The following WTIP variants were observed in gnomAD, a reference collection of about 807,000 sequenced individuals.
WTIP encodes Wilms tumor protein 1-interacting protein.
A neutral mutation model predicts 41.7 loss-of-function variants in WTIP; 23 were observed. The ratio of observed to expected loss-of-function variants is 0.55; its 90% CI spans 0.40 to 0.78. WTIP has a LOEUF of 0.78. Among genes scored for constraint, WTIP ranks in the 30% least tolerant of loss-of-function variants. The pLI is 0.00. For synonymous variants in WTIP, 314 were observed against 269.9 expected, an observed-to-expected ratio of 1.16 and a Z score of -1.60; for missense variants, 619 against 610.5, an observed-to-expected ratio of 1.01 and a Z score of -0.15.
rs1330493676 is a variant in WTIP, at chr19:34,508,079, T to C, written c.*7810T>C. 6.6e-6 allele frequency: 1 copy of C among 152,148 alleles called. No homozygotes were observed. Among genetic ancestry groups the C allele is most frequent in the African/African-American group, 2.4e-5 (1 of 41,414 alleles). The allele number at this position is 152,148 out of a possible 1,614,324, so 9.4% of individuals were successfully genotyped here. ...TCTCTGTTAGTGTGAGGTGGGACTT[T>C]TTTTTTTGTTTTGAGATGGAGTCTT... On this transcript the variant is annotated 3_prime_UTR_variant, in exon 8 of 8. Transcript: ENST00000590071.
At position 34,493,577 on chromosome 19, in the gene WTIP, C is replaced by T. The variant is rs774672496; in HGVS notation, c.986C>T (p.Thr329Ile). The T allele has an allele frequency of 6.2e-6, 10 of 1,613,676 alleles. No individual in the cohort carries two copies. The highest frequency in any genetic ancestry group is 8.5e-6 in the Non-Finnish European group (10 of 1,179,896). The stretch of plus-strand genomic sequence containing the variant: ...GAGTGCCTGGACGGGGTTCCCTTCA[C>T]CGTGGACGTGGAGAACAACATCTAC... ...CNECLDGVPFTVDVENNIYCV... is the reference protein window; with the variant it reads ...CNECLDGVPFIVDVENNIYCV... Residue 329 changes from threonine (T) to isoleucine (I), a missense_variant, in exon 5 of 8, where the codon ACC (threonine) becomes ATC (isoleucine). Physicochemically the swap from Thr to Ile is moderately conservative, Grantham distance 89. Transcript: ENST00000590071. The surrounding 1 kb of genome is among the most constrained non-coding windows in gnomAD (Gnocchi z 4.1).
chr19:34,497,803 G>A (rs2075862820), intron 7 of WTIP, among the ~76,000 whole-genome samples: 1 of 152,190 alleles, frequency 6.6e-6, no homozygotes, highest in Non-Finnish European at 1.5e-5. Context: ...GGGATGGTCT[G>A]CAGAGGGGCC....
intron 2 of WTIP, 68 bp downstream of exon 2, chr19:34,490,545 A>C: frequency 4.1e-6 from 6 of 1,466,880 alleles, no homozygotes; most frequent in Non-Finnish European, 5.7e-6. Flanking sequence ...TTCCCCTCAA[A>C]CTGCCTTGCC....
intron 5 of WTIP, 98 bp from the exon 6 acceptor site, chr19:34,494,488 T>C: frequency 8.3e-7 from 1 of 1,199,944 alleles, no homozygotes. Flanking sequence ...GGCCTGATAC[T>C]TGGGCTACGT....
rs1040612840 is a variant in WTIP, at chr19:34,501,244, G to C, written c.*975G>C. 3 of 152,620 alleles carry C rather than the reference G, an allele frequency of 2.0e-5. No homozygotes were observed. Among genetic ancestry groups the C allele is most frequent in the African/African-American group, 7.2e-5 (3 of 41,444 alleles). The allele number at this position is 152,620 out of a possible 1,614,324, so 9.5% of individuals were successfully genotyped here. A position where few individuals can be genotyped will look rare whatever the true frequency, so the allele number is the denominator to read the frequency against. ...ACAAGTGTCTAGTTTGTCTGTTACG[G>C]AGCTGGTTTTCAGGTGGTAAGAACC... On this transcript the variant is annotated 3_prime_UTR_variant, in exon 8 of 8. Coordinates refer to ENST00000590071, the MANE Select transcript of WTIP (RefSeq NM_001080436.2).
rs1241219794 is a variant in WTIP at position 34,503,830 on chromosome 19, G to C, written c.*3561G>C. 2 of 152,418 alleles carry C rather than the reference G, an allele frequency of 1.3e-5. No homozygotes were observed. The highest frequency in any genetic ancestry group is 2.9e-5 in the Non-Finnish European group (2 of 68,200). 9.4% of individuals were successfully genotyped at this position (152,418 alleles called of 1,614,324 possible). A position where few individuals can be genotyped will look rare whatever the true frequency, so the allele number is the denominator to read the frequency against. On this transcript the variant is annotated 3_prime_UTR_variant, in exon 8 of 8. Transcript: ENST00000590071. Reference sequence around the variant, plus strand: ...CCTGCACTGGTCCAAGTCCAGCCTGGTTGCCTAGTGAAGGATCCACAGTGG... The same window carrying C: ...CCTGCACTGGTCCAAGTCCAGCCTGCTTGCCTAGTGAAGGATCCACAGTGG...
intron 7 of WTIP, 46 bp downstream of exon 7, chr19:34,495,817 C>T (rs1419886717): frequency 1.3e-6 from 2 of 1,585,688 alleles, no homozygotes; most frequent in Non-Finnish European, 1.7e-6. Context: ...CAGGCCTCCT[C>T]CCACAGGGCT....
intron 7 of WTIP, among the ~76,000 whole-genome samples, chr19:34,498,045 C>G (rs1225267421): frequency 2.0e-5 from 3 of 152,070 alleles, no homozygotes; most frequent in Non-Finnish European, 4.4e-5. Context: ...GTGCAGCGGT[C>G]GGTAGCAGGG....
In WTIP at chr19:34,493,596, CA is replaced by C; in HGVS notation, c.1006del (p.Ile336SerfsTer55). The C allele has an allele frequency of 6.2e-7, 1 of 1,613,586 alleles. No homozygotes were observed. ...VPFTVDVENN[I>X]YCVRDYHTVF... ...CCTTCACCGTGGACGTGGAGAACAA[CA>C]TCTACTGCGTGCGAGACTATCACAC... On this transcript the variant is annotated frameshift_variant, in exon 5 of 8. Transcript: ENST00000590071. LOFTEE classifies it high-confidence loss of function. This position sits in a 1 kb window ranked among gnomAD's most constrained non-coding sequence, Gnocchi z 4.1.
intron 7 of WTIP, among the ~76,000 whole-genome samples, chr19:34,497,010 C>A (rs765822401): frequency 2.6e-5 from 4 of 152,098 alleles, no homozygotes; most frequent in African/African-American, 4.8e-5. Context: ...CTACAGGCAC[C>A]CACCACCACA....
At position 34,482,390 on chromosome 19, in the gene WTIP, G is replaced by T; in HGVS notation, c.416G>T (p.Ser139Ile). Residue 139 changes from serine (S) to isoleucine (I), a missense_variant, in exon 1 of 8, where the codon AGC becomes ATC. Physicochemically the swap from Ser to Ile is moderately radical, Grantham distance 142. Transcript: ENST00000590071. ...RPGPGPPSVG[S>I]ARSSVSSLGS... The stretch of plus-strand genomic sequence containing the variant: ...GGTCCCGGGCCGCCTTCGGTGGGCA[G>T]CGCCCGCTCCAGCGTTTCCAGCCTC... 7.3e-7 allele frequency: 1 copy of T among 1,366,566 alleles called. No homozygotes were observed. Among genetic ancestry groups the T allele is most frequent in the Non-Finnish European group, 9.5e-7 (1 of 1,057,282 alleles). 84.7% of individuals were successfully genotyped at this position (1,366,566 alleles called of 1,614,324 possible).
chr19:34,482,799 G>T, intron 1 of WTIP, 158 bp downstream of exon 1: 1 of 984,134 alleles, frequency 1.0e-6, no homozygotes, highest in African/African-American at 1.7e-5. Flanking sequence ...CATCCCCTGG[G>T]GACTGGGGAG....
chr19:34,484,655 G>A (rs572727954), intron 1 of WTIP, among the ~76,000 whole-genome samples: 1 of 152,156 alleles, frequency 6.6e-6, no homozygotes, highest in Non-Finnish European at 1.5e-5. Context: ...CCCGGGGGAG[G>A]GGGGTGTTCT....
chr19:34,489,309 G>A (rs947304781), intron 1 of WTIP, among the ~76,000 whole-genome samples: 6 of 151,386 alleles, frequency 4.0e-5, no homozygotes, highest in Admixed American at 3.3e-4. Flanking sequence ...CAAGCTTCTT[G>A]AAGGTGGGGA....
At position 34,491,334 on chromosome 19, in the gene WTIP, A is replaced by T. The variant is rs201226202; in HGVS notation, c.769+857A>T. 4.0e-5 allele frequency among the ~76,000 whole-genome samples: 6 copies of T among 150,102 alleles called. No individual in the cohort carries two copies. In the East Asian group the frequency reaches 9.8e-4, roughly 24 times the overall value. ...GCACGTTTTTTAATTTTAATTTTAT[A>T]TTTTTTTTTTGAGACAGTCTCGCTC... On this transcript the variant is annotated intron_variant, in intron 2 of 7. Coordinates refer to ENST00000590071, the MANE Select transcript of WTIP (RefSeq NM_001080436.2).
At chr19:34,484,000 C>T (rs757807579) in intron 1 of WTIP, among the ~76,000 whole-genome samples, 13 of 140,360 alleles carry the variant, frequency 9.3e-5, no homozygotes, top group Non-Finnish European at 2.0e-4. Context: ...GATCTTGGCT[C>T]ACTGCAACCT....
chr19:34,501,154 A>C lies in WTIP; in HGVS notation c.*885A>C, dbSNP rs767401576. ...AGGATATTTTCATTTTCTTTAAAAG[A>C]ATATAATTTTCTTCTAAGATCTTGG... On this transcript the variant is annotated 3_prime_UTR_variant, in exon 8 of 8. Transcript: ENST00000590071. The C allele has an allele frequency of 2.6e-5, 4 of 152,648 alleles. No homozygotes were observed. Among genetic ancestry groups the C allele is most frequent in the Non-Finnish European group, 5.9e-5 (4 of 68,040 alleles). 9.5% of individuals were successfully genotyped at this position (152,648 alleles called of 1,614,324 possible). A position where few individuals can be genotyped will look rare whatever the true frequency, so the allele number is the denominator to read the frequency against.
chr19:34,491,687 G>A (rs888918397), intron 2 of WTIP, among the ~76,000 whole-genome samples: 8 of 148,472 alleles, frequency 5.4e-5, no homozygotes, highest in East Asian at 2.0e-4. Context: ...CGCTCTCCCC[G>A]AGGCTGGAGT....
intron 6 of WTIP, 108 bp downstream of exon 6, chr19:34,494,745 G>T: frequency 8.7e-7 from 1 of 1,143,650 alleles, no homozygotes; most frequent in South Asian, 1.4e-5. Flanking sequence ...GGGATGAGCA[G>T]GTGCTTCTCC....
Sources: allele counts gnomAD v4.1 joint callset (sites outside exome capture counted in the v4.1 genomes callset), GRCh38; gene constraint gnomAD v4.1.1; non-coding constraint Gnocchi (gnomAD v3.1); transcripts MANE v1.5; gene names NCBI Gene and HGNC (gene_info 2026-07-23, HGNC 2026-07-21).